Variants in CBFA2T2 observed in about 807,000 individuals in gnomAD.
CBFA2T2 encodes protein CBFA2T2.
In CBFA2T2, 11 loss-of-function variants were observed where a neutral mutation model predicts 62.2. The observed-to-expected ratio is 0.18, with a 90% CI of 0.11 to 0.29. The LOEUF is 0.29. Among genes scored for constraint, CBFA2T2 ranks in the 10% least tolerant of loss-of-function variants. CBFA2T2 has a pLI of 1.00. For synonymous variants in CBFA2T2, 295 were observed against 287.5 expected (o/e 1.03, Z -0.27); for missense variants, 592 against 774.1 (o/e 0.76, Z 2.79).
intron 1 of CBFA2T2, among the ~76,000 whole-genome samples, chr20:33,531,241 C>T (rs1378822014): frequency 6.6e-6 from 1 of 152,168 alleles, no homozygotes; most frequent in Non-Finnish European, 1.5e-5. Context: ...TATGCTTCTT[C>T]AGTCCAAGGT....
intron 2 of CBFA2T2, among the ~76,000 whole-genome samples, chr20:33,609,043 G>A (rs1337764170): frequency 1.3e-5 from 2 of 152,312 alleles, no homozygotes; most frequent in African/African-American, 2.4e-5. Context: ...AGTCTGTTAT[G>A]CAGTGAATCA....
chr20:33,571,587 AAT>A (rs1200302988), intron 1 of CBFA2T2, among the ~76,000 whole-genome samples: 1 of 152,232 alleles, frequency 6.6e-6, no homozygotes, highest in Non-Finnish European at 1.5e-5. Flanking sequence ...CAGCCAAAAT[AAT>A]AGTTACCATT....
chr20:33,563,924 A>G (rs2013184669), intron 1 of CBFA2T2, among the ~76,000 whole-genome samples: 2 of 152,054 alleles, frequency 1.3e-5, no homozygotes, highest in Non-Finnish European at 2.9e-5. Flanking sequence ...GTTCTATGCT[A>G]TATTTGCCAA....
At chr20:33,588,474 C>T (rs1424317275) in intron 1 of CBFA2T2, among the ~76,000 whole-genome samples, 1 of 151,842 alleles carries the variant, frequency 6.6e-6, no homozygotes, top group Non-Finnish European at 1.5e-5. Flanking sequence ...CATGGCCATT[C>T]AGCTCGTGAT....
Position 33,619,603 on chromosome 20 carries a change from C to T in CBFA2T2, c.507C>T (p.Leu169=). ...TTCGTCCTTTTGTGATTCCATTTCT[C>T]AAGGTAATTTGATAATTACTGAATA... ...FPLRPFVIPF[L]KANLPLLQRE... Residue 169 remains leucine, a synonymous_variant, in exon 4 of 11, where the codon CTC becomes CTT. Coordinates refer to ENST00000342704, the MANE Select transcript of CBFA2T2 (RefSeq NM_001032999.3). 6.3e-7 allele frequency: 1 copy of T among 1,589,554 alleles called. No individual in the cohort carries two copies. Among genetic ancestry groups the T allele is most frequent in the Non-Finnish European group, 8.6e-7 (1 of 1,162,798 alleles).
intron 1 of CBFA2T2, among the ~76,000 whole-genome samples, chr20:33,570,962 G>A (rs1400014658): frequency 2.0e-5 from 3 of 152,110 alleles, no homozygotes; most frequent in East Asian, 1.9e-4. Context: ...GTGCTTTGTC[G>A]GGGCCCCAGG....
At chr20:33,495,472 G>A (rs79394352) in intron 1 of CBFA2T2, among the ~76,000 whole-genome samples, 2 of 151,622 alleles carry the variant, frequency 1.3e-5, no homozygotes, top group Non-Finnish European at 1.5e-5. Flanking sequence ...CGGATCACGA[G>A]GTCAGGAGTT....
chr20:33,638,094 C>T (rs920943639), intron 9 of CBFA2T2, among the ~76,000 whole-genome samples: 1 of 150,540 alleles, frequency 6.6e-6, no homozygotes, highest in African/African-American at 2.4e-5. Flanking sequence ...TCTGCCTTAG[C>T]CTTCCAAGTA....
At chr20:33,568,938 C>T (rs2013445796) in intron 1 of CBFA2T2, among the ~76,000 whole-genome samples, 1 of 152,308 alleles carries the variant, frequency 6.6e-6, no homozygotes, top group South Asian at 2.1e-4. Context: ...AAACTAATTA[C>T]ACCCTTTTCC....
At chr20:33,516,983 C>T (rs969149509) in intron 1 of CBFA2T2, among the ~76,000 whole-genome samples, 1 of 152,146 alleles carries the variant, frequency 6.6e-6, no homozygotes, top group Admixed American at 6.6e-5. Context: ...AGTGAGATGC[C>T]TTTAGTAGTG....
intron 1 of CBFA2T2, among the ~76,000 whole-genome samples, chr20:33,511,271 C>G (rs192078407): frequency 1.3e-5 from 2 of 152,204 alleles, no homozygotes; most frequent in Admixed American, 1.3e-4. Context: ...GGTTTTACGT[C>G]TAATATTTAA....
At chr20:33,632,750 C>A (rs1034940797) in intron 8 of CBFA2T2, among the ~76,000 whole-genome samples, 1 of 151,188 alleles carries the variant, frequency 6.6e-6, no homozygotes. Flanking sequence ...CCCGGCCTCA[C>A]CAGTGACTTT....
Position 33,607,063 on chromosome 20 carries a change from G to A in CBFA2T2, c.142G>A (p.Gly48Arg). Residue 48 changes from glycine to arginine, a missense_variant, in exon 2 of 11, where the codon GGA becomes AGA. Physicochemically the swap from Gly to Arg is moderately radical, Grantham distance 125. Transcript: ENST00000342704. ...TMPPLPPINP[G>R]GPRPVSFTPT... ...GCCACCCCTCCCACCAATAAATCCT[G>A]GAGGACCGAGGCCAGTGTCCTTCAC... 6.2e-7 allele frequency: 1 copy of A among 1,614,002 alleles called. No individual in the cohort carries two copies. The highest frequency in any genetic ancestry group is 8.5e-7 in the Non-Finnish European group (1 of 1,179,954).
chr20:33,548,995 T>A (rs1030607010), intron 1 of CBFA2T2, among the ~76,000 whole-genome samples: 3 of 152,044 alleles, frequency 2.0e-5, no homozygotes, highest in African/African-American at 7.2e-5. Flanking sequence ...CATCCATCCA[T>A]CCATCCATCC....
intron 1 of CBFA2T2, among the ~76,000 whole-genome samples, chr20:33,599,589 T>C (rs1031015076): frequency 1.5e-5 from 2 of 134,128 alleles, no homozygotes; most frequent in South Asian, 2.2e-4. Flanking sequence ...GTAATTTCCC[T>C]TTTTTTTTTT....
At position 33,629,584 on chromosome 20, in the gene CBFA2T2, T is replaced by A. The variant is rs143256620; in HGVS notation, c.1033-135T>A. On this transcript the variant is annotated intron_variant, in intron 7 of 10. Transcript: ENST00000342704. Reference sequence around the variant, plus strand: ...TGGAGAAACAGACAGCAATAAAGGTTTTAAATGTAAACTTGATATTCCTAA... The same window carrying A: ...TGGAGAAACAGACAGCAATAAAGGTATTAAATGTAAACTTGATATTCCTAA... 40 of 819,616 alleles carry A rather than the reference T, an allele frequency of 4.9e-5. No homozygotes were observed. In the African/African-American group the frequency reaches 5.8e-4, roughly 12 times the overall value. 50.8% of individuals were successfully genotyped at this position (819,616 alleles called of 1,614,324 possible).
intron 1 of CBFA2T2, among the ~76,000 whole-genome samples, chr20:33,565,294 T>A (rs1424516721): frequency 6.6e-6 from 1 of 152,218 alleles, no homozygotes; most frequent in Admixed American, 6.5e-5. Flanking sequence ...ATAGGTGCAT[T>A]GTTCAACAAG....
intron 1 of CBFA2T2, among the ~76,000 whole-genome samples, chr20:33,560,788 A>G (rs1443288703): frequency 6.6e-6 from 1 of 152,270 alleles, no homozygotes; most frequent in East Asian, 1.9e-4. Flanking sequence ...ATCTGTATTC[A>G]TGTAGATTTT....
intron 3 of CBFA2T2, among the ~76,000 whole-genome samples, chr20:33,616,204 C>T (rs2015709652): frequency 6.6e-6 from 1 of 151,856 alleles, no homozygotes; most frequent in African/African-American, 2.4e-5. Context: ...TATATATATA[C>T]ATAGGTAACT....
Sources: gnomAD v4.1 joint callset for allele counts (sites outside exome capture counted in the v4.1 genomes callset) on GRCh38, gnomAD v4.1.1 for gene constraint, MANE v1.5 for transcripts, NCBI Gene and HGNC (gene_info 2026-07-23, HGNC 2026-07-21) for gene names.